Variants in LMNTD1 observed in about 807,000 individuals in gnomAD.
The protein encoded by LMNTD1 is lamin tail domain containing 1, also known as lamin tail domain-containing protein 1.
In LMNTD1, 35 loss-of-function variants were observed where a neutral mutation model predicts 50.9. The ratio of observed to expected loss-of-function variants is 0.69; its 90% CI spans 0.53 to 0.91. The LOEUF is 0.91. Among genes scored for constraint, LMNTD1 ranks in the 40% least tolerant of loss-of-function variants. The pLI, the probability that LMNTD1 is intolerant of heterozygous loss-of-function variation, is 0.00. For missense variants in LMNTD1, 470 were observed against 475.5 expected (o/e 0.99, Z 0.11); for synonymous variants, 153 against 161.9 (o/e 0.94, Z 0.42).
At chr12:25,555,931 A>C (rs1201107830), upstream of LMNTD1, among the ~76,000 whole-genome samples, 4 of 151,564 alleles carry the variant, frequency 2.6e-5, no homozygotes, top group African/African-American at 9.7e-5. Context: ...CAAGAACTGA[A>C]AGGAAGAAGC....
In LMNTD1 at chr12:25,483,987, C is replaced by T. The variant is rs117979789; in HGVS notation, c.*23-7527G>A. Among the ~76,000 whole-genome samples the T allele has an allele frequency of 5.5e-3, 837 of 151,750 alleles. 54 individuals are homozygous for T. The East Asian group carries it at 0.13, about 23-fold the overall frequency. ...TTATGTCTATTTCTACAAAGTTCAGCCAAAAAGCGATTAACCTCAAACTTG... is the reference window on the plus strand; with the variant it reads ...TTATGTCTATTTCTACAAAGTTCAGTCAAAAAGCGATTAACCTCAAACTTG... On this transcript the variant is annotated intron_variant, in intron 9 of 9. Coordinates refer to ENST00000458174, the MANE Select transcript of LMNTD1 (RefSeq NM_001145728.2).
At chr12:25,560,865 T>C (rs1344105944) in intron 1 of LMNTD1, among the ~76,000 whole-genome samples, 1 of 152,222 alleles carries the variant, frequency 6.6e-6, no homozygotes. Context: ...ATGCTTGTGA[T>C]TTCTGCACAT....
intron 1 of LMNTD1, among the ~76,000 whole-genome samples, chr12:25,614,052 T>C (rs1316259967): frequency 2.6e-5 from 4 of 151,564 alleles, no homozygotes; most frequent in African/African-American, 4.8e-5. Context: ...TGATTATTAA[T>C]GTCAATTGCT....
intron 1 of LMNTD1, among the ~76,000 whole-genome samples, chr12:25,560,324 G>C (rs1317946993): frequency 6.6e-6 from 1 of 152,144 alleles, no homozygotes; most frequent in African/African-American, 2.4e-5. Context: ...GCTTGTTTGT[G>C]TCAGGTTTGT....
chr12:25,627,235 T>G (rs1466623754), intron 1 of LMNTD1, among the ~76,000 whole-genome samples: 1 of 152,238 alleles, frequency 6.6e-6, no homozygotes, highest in Non-Finnish European at 1.5e-5. Flanking sequence ...CATCTTCTTA[T>G]TCAGTGATGA....
At chr12:25,547,768 A>T (rs903793635) in intron 3 of LMNTD1, among the ~76,000 whole-genome samples, 1 of 151,876 alleles carries the variant, frequency 6.6e-6, no homozygotes, top group Non-Finnish European at 1.5e-5. Flanking sequence ...AAGCCTTGGT[A>T]TTCCAAAAGA....
chr12:25,599,788 G>A (rs1945921040), intron 1 of LMNTD1, among the ~76,000 whole-genome samples: 1 of 151,856 alleles, frequency 6.6e-6, no homozygotes, highest in Non-Finnish European at 1.5e-5. Context: ...GCTGACGAAA[G>A]AAATAGAAGT....
chr12:25,642,691 T>C (rs752691720), intron 1 of LMNTD1, among the ~76,000 whole-genome samples: 1 of 152,242 alleles, frequency 6.6e-6, no homozygotes, highest in Non-Finnish European at 1.5e-5. Context: ...TTGTTCAATC[T>C]TTTAAAATCT....
chr12:25,627,388 T>TA (rs1444212006), intron 1 of LMNTD1, among the ~76,000 whole-genome samples: 1 of 152,196 alleles, frequency 6.6e-6, no homozygotes, highest in African/African-American at 2.4e-5. Flanking sequence ...TCATGATGAC[T>TA]TTTTTCCCCA....
intron 8 of LMNTD1, among the ~76,000 whole-genome samples, chr12:25,516,372 T>C (rs1345500314): frequency 6.6e-6 from 1 of 152,182 alleles, no homozygotes; most frequent in Non-Finnish European, 1.5e-5. Flanking sequence ...CAAGATAAGT[T>C]GCCACCATCA....
upstream of LMNTD1, chr12:25,553,382 T>A: frequency 1.7e-6 from 1 of 576,512 alleles, no homozygotes; most frequent in Non-Finnish European, 2.6e-6. Context: ...GTTGATGCTG[T>A]ACCTTCTTTG....
At chr12:25,563,351 T>G (rs553920860) in intron 1 of LMNTD1, among the ~76,000 whole-genome samples, 2 of 152,356 alleles carry the variant, frequency 1.3e-5, no homozygotes, top group East Asian at 3.9e-4. Context: ...GTTTGTTAGT[T>G]TTCCTTCTAA....
chr12:25,539,917 C>G (rs1942928873), intron 4 of LMNTD1, among the ~76,000 whole-genome samples: 1 of 151,710 alleles, frequency 6.6e-6, no homozygotes, highest in Non-Finnish European at 1.5e-5. Context: ...CACAGGAATA[C>G]AAACTACCAT....
chr12:25,478,847 T>C (rs942276025), intron 9 of LMNTD1, among the ~76,000 whole-genome samples: 3 of 152,072 alleles, frequency 2.0e-5, no homozygotes, highest in Non-Finnish European at 2.9e-5. Flanking sequence ...GTATTCCCTT[T>C]GCCTTCAGCA....
chr12:25,647,023 T>A (rs1204565813), intron 1 of LMNTD1, among the ~76,000 whole-genome samples: 4 of 152,232 alleles, frequency 2.6e-5, no homozygotes, highest in African/African-American at 9.6e-5. Flanking sequence ...TCTTTCCTAG[T>A]ATTCTGGGAT....
At chr12:25,486,558 A>G (rs1223588844) in intron 9 of LMNTD1, among the ~76,000 whole-genome samples, 1 of 142,506 alleles carries the variant, frequency 7.0e-6, no homozygotes, top group Non-Finnish European at 1.5e-5. Context: ...AGGAGTGGTG[A>G]GAGAGGGCAT....
chr12:25,642,693 T>C (rs1333279661), intron 1 of LMNTD1, among the ~76,000 whole-genome samples: 3 of 152,240 alleles, frequency 2.0e-5, no homozygotes, highest in Non-Finnish European at 4.4e-5. Flanking sequence ...GTTCAATCTT[T>C]TAAAATCTTT....
At chr12:25,590,854 G>A (rs1403991505) in intron 1 of LMNTD1, among the ~76,000 whole-genome samples, 1 of 152,094 alleles carries the variant, frequency 6.6e-6, no homozygotes, top group East Asian at 1.9e-4. Flanking sequence ...TGAAGGGAGG[G>A]ACCTAATCCT....
In LMNTD1 at chr12:25,637,545, T is replaced by C. The variant is rs184854415; in HGVS notation, c.58+10949A>G. On this transcript the variant is annotated intron_variant, in intron 1 of 7. Transcript: ENST00000445693. Reference sequence around the variant, plus strand: ...AGAATCAGTAAACCTGAAGATAGATTGATAGACATTATGCAACATAGAACA... The same window carrying C: ...AGAATCAGTAAACCTGAAGATAGATCGATAGACATTATGCAACATAGAACA... 1.4e-3 allele frequency among the ~76,000 whole-genome samples: 216 copies of C among 152,156 alleles called. 1 individual carries two copies. The highest frequency in any genetic ancestry group is 9.6e-3 in the Admixed American group (147 of 15,286).
Sources: allele counts gnomAD v4.1 joint callset (sites outside exome capture counted in the v4.1 genomes callset), GRCh38; gene constraint gnomAD v4.1.1; transcripts MANE v1.5; gene names NCBI Gene and HGNC (gene_info 2026-07-23, HGNC 2026-07-21).